GABRR3: variants seen among roughly 807,000 people sequenced by gnomAD.
GABRR3 encodes gamma-aminobutyric acid receptor subunit rho-3.
In GABRR3, 29 loss-of-function variants were observed where a neutral mutation model predicts 43.2. The observed-to-expected ratio is 0.67, with a 90% CI of 0.50 to 0.92. The LOEUF is 0.92. Among genes scored for constraint, GABRR3 ranks in the 40% least tolerant of loss-of-function variants. GABRR3 has a pLI of 0.00. For synonymous variants in GABRR3, 206 were observed against 195.9 expected (o/e 1.05, Z -0.43); for missense variants, 576 against 572.3 (o/e 1.01, Z -0.07).
At chr3:97,986,373 T>C (rs1452584801), downstream of GABRR3, among the ~76,000 whole-genome samples, 1 of 152,210 alleles carries the variant, frequency 6.6e-6, no homozygotes, top group East Asian at 1.9e-4. Context: ...CCAGCTTTCT[T>C]CCCTAGTTAA....
chr3:97,992,988 T>C (rs371732077), exon 9 of GABRR3: 45 of 1,613,096 alleles, frequency 2.8e-5, no homozygotes, highest in Non-Finnish European at 3.5e-5. Flanking sequence ...GTAGGACACC[T>C]GGGGCATGGA....
At chr3:98,012,556 C>A in exon 5 of GABRR3, 1 of 1,612,332 alleles carries the variant, frequency 6.2e-7, no homozygotes, top group South Asian at 1.1e-5. Flanking sequence ...GATAAAAAGT[C>A]ATTGTAAAGT....
chr3:98,010,973 A>G (rs1706782780), intron 5 of GABRR3, among the ~76,000 whole-genome samples: 1 of 152,012 alleles, frequency 6.6e-6, no homozygotes, highest in African/African-American at 2.4e-5. Flanking sequence ...GGTGGCAGGC[A>G]CCTGTGACCC....
At chr3:98,030,530 G>C (rs761426560) in intron 2 of GABRR3, among the ~76,000 whole-genome samples, 1 of 152,160 alleles carries the variant, frequency 6.6e-6, no homozygotes, top group Non-Finnish European at 1.5e-5. Context: ...GATTAGACGT[G>C]AGCTTGGAAA....
chr3:98,019,199 C>A (rs961932487), intron 3 of GABRR3, among the ~76,000 whole-genome samples: 25 of 151,998 alleles, frequency 1.6e-4, no homozygotes, highest in African/African-American at 6.0e-4. Context: ...TTAGAGGAGT[C>A]AAGTCTGAAA....
Position 97,992,914 on chromosome 3 carries a change from A to G in GABRR3, c.1042T>C (p.Tyr348His), listed in dbSNP as rs1297299962. 2.5e-6 allele frequency: 4 copies of G among 1,613,382 alleles called. No individual in the cohort carries two copies. In the African/African-American group the frequency reaches 4.0e-5, roughly 16 times the overall value. ...GTGGTGAGGTAGTTCACAGCTGCAT[A>G]CTCAATGACTGACAGGAACACAAAG... The change falls in exon 9 of 10, where the codon TAT becomes CAT. Residue 348 changes from tyrosine to histidine, a missense_variant. Tyr to His is a moderately conservative substitution (Grantham distance 83). Coordinates refer to ENST00000621172, the Ensembl canonical transcript of GABRR3.
chr3:98,034,787 G>A (rs1707130401), intron 2 of GABRR3, 76 bp downstream of exon 2: 2 of 1,552,756 alleles, frequency 1.3e-6, no homozygotes, highest in Admixed American at 3.4e-5. Context: ...TACGTTTCCA[G>A]GTTTCCTGTA....
chr3:97,988,448 T>C (rs1706414279), intron 9 of GABRR3, among the ~76,000 whole-genome samples: 1 of 152,188 alleles, frequency 6.6e-6, no homozygotes, highest in African/African-American at 2.4e-5. Context: ...TCTATAGACC[T>C]GCTGTTCTTC....
intron 8 of GABRR3, among the ~76,000 whole-genome samples, chr3:97,996,058 T>C (rs1706549852): frequency 6.6e-6 from 1 of 152,194 alleles, no homozygotes; most frequent in Non-Finnish European, 1.5e-5. Flanking sequence ...ATTAATAATC[T>C]TTCAGTTTCA....
At chr3:98,006,896 A>G (rs1706729263) in intron 7 of GABRR3, among the ~76,000 whole-genome samples, 1 of 152,196 alleles carries the variant, frequency 6.6e-6, no homozygotes, top group Admixed American at 6.5e-5. Flanking sequence ...CTGTCATAGT[A>G]AAGAGTACTA....
intron 3 of GABRR3, among the ~76,000 whole-genome samples, chr3:98,021,287 C>T (rs754147457): frequency 6.6e-5 from 10 of 152,184 alleles, no homozygotes; most frequent in East Asian, 5.8e-4. Context: ...AAAGCCAAAA[C>T]GCAGAATCAG....
intron 7 of GABRR3, 141 bp downstream of exon 7, chr3:98,007,623 G>A (rs747483676): frequency 1.2e-6 from 1 of 830,850 alleles, no homozygotes; most frequent in South Asian, 1.6e-5. Context: ...GGTGGAGCTT[G>A]CTCCCTGTAA....
intron 8 of GABRR3, among the ~76,000 whole-genome samples, chr3:97,995,423 G>A (rs537468219): frequency 1.1e-4 from 17 of 151,970 alleles, no homozygotes; most frequent in Middle Eastern, 3.2e-3. Context: ...GATTGGTCTC[G>A]TCATGTATTT....
chr3:97,992,799 G>A, intron 9 of GABRR3, 53 bp downstream of exon 9: 3 of 1,486,636 alleles, frequency 2.0e-6, no homozygotes, highest in Non-Finnish European at 2.7e-6. Flanking sequence ...AATAGATAAG[G>A]GTAGTCTTTT....
At chr3:97,989,557 A>C (rs1489914649) in intron 9 of GABRR3, among the ~76,000 whole-genome samples, 34 of 151,882 alleles carry the variant, frequency 2.2e-4, no homozygotes, top group African/African-American at 8.0e-4. Flanking sequence ...TGATGAAAAC[A>C]AGTTTTGCCT....
chr3:98,031,186 G>C (rs1707082626), intron 2 of GABRR3, among the ~76,000 whole-genome samples: 1 of 152,182 alleles, frequency 6.6e-6, no homozygotes, highest in South Asian at 2.1e-4. Flanking sequence ...GGAAAAGCCA[G>C]CCAGAGAGAA....
At chr3:97,987,779 T>C (rs1706407003) in intron 9 of GABRR3, among the ~76,000 whole-genome samples, 1 of 152,148 alleles carries the variant, frequency 6.6e-6, no homozygotes, top group South Asian at 2.1e-4. Flanking sequence ...AAATTTATCA[T>C]TATTTTTTAT....
chr3:98,022,046 A>T (rs181947089), intron 3 of GABRR3, among the ~76,000 whole-genome samples: 1 of 152,336 alleles, frequency 6.6e-6, no homozygotes. Context: ...TCTGACTCAC[A>T]GTATAGTCCT....
intron 5 of GABRR3, among the ~76,000 whole-genome samples, chr3:98,011,116 A>C (rs1706785189): frequency 6.6e-6 from 1 of 152,084 alleles, no homozygotes; most frequent in Non-Finnish European, 1.5e-5. Flanking sequence ...AACCCCCCCA[A>C]AAAACCCATT....
Sources: gnomAD v4.1 joint callset for allele counts (sites outside exome capture counted in the v4.1 genomes callset) on GRCh38, gnomAD v4.1.1 for gene constraint, MANE v1.5 for transcripts, NCBI Gene and HGNC (gene_info 2026-07-23, HGNC 2026-07-21) for gene names.